NELFA: variants seen among roughly 807,000 people sequenced by gnomAD.
NELFA encodes the protein negative elongation factor A.
A neutral mutation model predicts 51.8 loss-of-function variants in NELFA; 35 were observed. The ratio of observed to expected loss-of-function variants is 0.68; its 90% CI spans 0.52 to 0.90. The LOEUF (loss-of-function observed/expected upper bound fraction) is 0.90, where lower values mean the gene tolerates loss of function less well. Among genes scored for constraint, NELFA ranks in the 40% least tolerant of loss-of-function variants. The pLI is 0.00. For missense variants in NELFA, 658 were observed against 746.4 expected (o/e 0.88, Z 1.38); for synonymous variants, 417 against 338.4 (o/e 1.23, Z -2.55).
rs371172002 is a variant in NELFA at position 1,983,615 on chromosome 4, G to A, written c.1383C>T (p.Gly461=). 3.1e-6 allele frequency: 5 copies of A among 1,614,074 alleles called. No individual in the cohort carries two copies. Among genetic ancestry groups the A allele is most frequent in the South Asian group, 2.2e-5 (2 of 91,086 alleles). Residue 461 remains glycine, a synonymous_variant, in exon 10 of 11, where the codon GGC becomes GGT. Coordinates refer to ENST00000382882, the MANE Select transcript of NELFA (RefSeq NM_005663.5). ...VTRPEKALIL[G]FMAGSRENPC... ...ACATACCTCGGGAGCCGGCCATGAA[G>A]CCCAGGATGAGGGCCTTCTCGGGCC...
chr4:1,986,260 G>C lies in NELFA; in HGVS notation c.765+12C>G, dbSNP rs1257245012. On this transcript the variant is annotated intron_variant, in intron 5 of 10. Coordinates refer to ENST00000382882, the MANE Select transcript of NELFA (RefSeq NM_005663.5). ...GCCCCGGGGTGCCACAGGAGCTGGG[G>C]GACGGGCCTACCTTCACACCTCGTT... 5.7e-6 allele frequency: 9 copies of C among 1,574,188 alleles called. 1 individual carries two copies. In the South Asian group the frequency reaches 9.3e-5, roughly 16 times the overall value.
At position 1,989,134 on chromosome 4, in the gene NELFA, C is replaced by T. The variant is rs191890064; in HGVS notation, c.544+574G>A. 4.7e-3 allele frequency among the ~76,000 whole-genome samples: 708 copies of T among 151,824 alleles called. 2 individuals carry two copies. Among genetic ancestry groups the T allele is most frequent in the South Asian group, 0.019 (90 of 4,800 alleles). ...CTAATTTTTGTATTTTTAGTAGAGACGGGGTTTCACCATGTGGGCCAGGCT... is the reference window on the plus strand; with the variant it reads ...CTAATTTTTGTATTTTTAGTAGAGATGGGGTTTCACCATGTGGGCCAGGCT... On this transcript the variant is annotated intron_variant, in intron 3 of 10. Coordinates refer to ENST00000382882, the MANE Select transcript of NELFA (RefSeq NM_005663.5). The surrounding 1 kb of genome is among the most constrained non-coding windows in gnomAD (Gnocchi z 4.8).
Position 1,985,758 on chromosome 4 carries a change from T to C in NELFA, c.924+18A>G, listed in dbSNP as rs2109054724. 4 of 1,609,526 alleles carry C rather than the reference T, an allele frequency of 2.5e-6. No homozygotes were observed. The highest frequency in any genetic ancestry group is 2.5e-6 in the Non-Finnish European group (3 of 1,177,344). On this transcript the variant is annotated intron_variant, in intron 7 of 10. Transcript: ENST00000382882. ...ACCCGCAGTGGTGCCAGACATGGGG[T>C]GCAGCCCCGAGCCCTACCTGCGTGG...
intron 1 of NELFA, among the ~76,000 whole-genome samples, chr4:1,993,331 C>T (rs949567303): frequency 2.6e-5 from 4 of 152,150 alleles, no homozygotes; most frequent in Non-Finnish European, 4.4e-5. Flanking sequence ...TCTGTAGACC[C>T]CGCACTTCGG....
chr4:1,996,096 C>T lies in NELFA; in HGVS notation c.211-4381G>A, dbSNP rs536138616. 9.2e-5 allele frequency among the ~76,000 whole-genome samples: 14 copies of T among 152,256 alleles called. No individual in the cohort carries two copies. The South Asian group carries it at 1.9e-3, about 20-fold the overall frequency. On this transcript the variant is annotated intron_variant, in intron 1 of 10. Coordinates refer to ENST00000382882, the MANE Select transcript of NELFA (RefSeq NM_005663.5). ...TTTCAAAACTAGAGTACATATGATTCGCAAGCTTACTGGCAACATTTACAA... is the reference window on the plus strand; with the variant it reads ...TTTCAAAACTAGAGTACATATGATTTGCAAGCTTACTGGCAACATTTACAA...
rs761995204 is a variant in NELFA at position 1,983,680 on chromosome 4, C to T, written c.1318G>A (p.Ala440Thr). The part of the protein sequence containing the change: ...NLSLTREQMF[A>T]AQEMFKTANK... ...GCCGTCTTGAACATCTCCTGGGCAG[C>T]GAACATCTGCTCTCTCTACAGCGGG... The change falls in exon 10 of 11, where the codon GCT becomes ACT. Residue 440 changes from alanine to threonine, a missense_variant. This residue lies in a region of NELFA where 87 missense variants were observed against 130.2 expected (regional missense o/e 0.67). Coordinates refer to ENST00000382882, the MANE Select transcript of NELFA (RefSeq NM_005663.5). 6.2e-6 allele frequency: 10 copies of T among 1,613,904 alleles called. No homozygotes were observed. Among genetic ancestry groups the T allele is most frequent in the South Asian group, 2.2e-5 (2 of 91,092 alleles).
intron 7 of NELFA, 69 bp from the exon 8 acceptor site, chr4:1,984,988 G>A (rs1017160238): frequency 8.7e-6 from 10 of 1,150,314 alleles, no homozygotes; most frequent in South Asian, 1.5e-5. Flanking sequence ...CACATGGCCC[G>A]ACCCGGAGCT....
chr4:1,993,262 C>CG (rs752694257), intron 1 of NELFA, among the ~76,000 whole-genome samples: 63 of 152,344 alleles, frequency 4.1e-4, no homozygotes, highest in Admixed American at 2.0e-3. Flanking sequence ...AAGCCTGGCT[C>CG]GCTCTACTGG....
intron 1 of NELFA, among the ~76,000 whole-genome samples, chr4:2,000,430 T>C (rs916599563): frequency 1.3e-5 from 2 of 151,804 alleles, no homozygotes; most frequent in African/African-American, 4.8e-5. Flanking sequence ...AAGAATCAAA[T>C]AGACACCAAA....
rs746555720 is a variant in NELFA, at chr4:1,983,511, G to A, written c.1403-8C>T. The A allele has an allele frequency of 6.2e-7, 1 of 1,613,554 alleles. No individual in the cohort carries two copies. Among genetic ancestry groups the A allele is most frequent in the East Asian group, 2.2e-5 (1 of 44,878 alleles). On this transcript the variant is annotated splice_polypyrimidine_tract_variant and splice_region_variant and intron_variant, in intron 10 of 10. Coordinates refer to ENST00000382882, the MANE Select transcript of NELFA (RefSeq NM_005663.5). ...GCTCCTGGCACGGGTTCTCTGCAGAGAGCAGGAGCTGCTGGGTGGGTGTCT... is the reference window on the plus strand; with the variant it reads ...GCTCCTGGCACGGGTTCTCTGCAGAAAGCAGGAGCTGCTGGGTGGGTGTCT...
intron 1 of NELFA, 61 bp from the exon 2 acceptor site, chr4:1,991,776 G>A (rs1553884307): frequency 2.6e-6 from 4 of 1,509,536 alleles, no homozygotes; most frequent in Non-Finnish European, 3.5e-6. Flanking sequence ...CCCACTCCCT[G>A]CTGAGCTTCC....
rs59557353 is a variant in NELFA, at chr4:1,987,643, G to A, written c.634+275C>T. The A allele has an allele frequency of 1.6e-3, 733 of 446,930 alleles. 3 individuals are homozygous for A. Among genetic ancestry groups the A allele is most frequent in the African/African-American group, 0.014 (625 of 43,336 alleles). 27.7% of individuals were successfully genotyped at this position (446,930 alleles called of 1,614,324 possible). A position where few individuals can be genotyped will look rare whatever the true frequency, so the allele number is the denominator to read the frequency against. On this transcript the variant is annotated intron_variant, in intron 4 of 10. Coordinates refer to ENST00000382882, the MANE Select transcript of NELFA (RefSeq NM_005663.5). The stretch of plus-strand genomic sequence containing the variant: ...CGGCCTTCCTGTCTCCATGCCCAGC[G>A]GTGTCCTCAGATCCCGGCCTTCCTG...
chr4:1,984,741 G>T, intron 8 of NELFA, 67 bp downstream of exon 8: 3 of 1,158,556 alleles, frequency 2.6e-6, no homozygotes, highest in Non-Finnish European at 3.7e-6. Context: ...CCCTGGCAGC[G>T]CCCGTGGGCA....
chr4:1,986,047 C>T (rs938687232), intron 6 of NELFA, 67 bp downstream of exon 6: 2 of 1,519,490 alleles, frequency 1.3e-6, no homozygotes, highest in African/African-American at 1.4e-5. Context: ...GTGGGCACAA[C>T]CCACCCCAAC....
At chr4:1,999,725 CA>C (rs1412465155) in intron 1 of NELFA, among the ~76,000 whole-genome samples, 1 of 152,132 alleles carries the variant, frequency 6.6e-6, no homozygotes, top group Non-Finnish European at 1.5e-5. Context: ...AATATTAGAT[CA>C]ACGAGACAGA....
At chr4:1,986,001 GAGC>G in intron 6 of NELFA, 110 bp downstream of exon 6, 1 of 1,375,056 alleles carries the variant, frequency 7.3e-7, no homozygotes, top group Non-Finnish European at 9.9e-7. Flanking sequence ...CACCCACGGA[GAGC>G]AGCCTCACGG....
In NELFA at chr4:1,983,908, C is replaced by T. The variant is rs760343890; in HGVS notation, c.1242G>A (p.Met414Ile). 1.2e-5 allele frequency: 19 copies of T among 1,604,330 alleles called. No homozygotes were observed. The African/African-American group carries it at 2.4e-4, about 20-fold the overall frequency. The change falls in exon 9 of 11, where the codon ATG becomes ATA. Residue 414 changes from methionine to isoleucine, a missense_variant. Physicochemically the swap from Met to Ile is conservative, Grantham distance 10 (BLOSUM62 1). Around this residue, in one of 3 missense-constraint regions of NELFA, gnomAD observed 200 missense variants for 167.9 expected, o/e 1.19. Transcript: ENST00000382882. ...APTTQTPPVAMVAPQTQAPAQ... is the reference protein window; with the variant it reads ...APTTQTPPVAIVAPQTQAPAQ... Reference sequence around the variant, plus strand: ...CAGGGGCCTGGGTCTGCGGGGCCACCATGGCAACCGGGGGTGTCTGAGTGG... The same window carrying T: ...CAGGGGCCTGGGTCTGCGGGGCCACTATGGCAACCGGGGGTGTCTGAGTGG...
intron 1 of NELFA, among the ~76,000 whole-genome samples, chr4:1,993,243 C>T (rs1443322798): frequency 6.6e-6 from 1 of 152,190 alleles, no homozygotes; most frequent in East Asian, 1.9e-4. Context: ...CTCCAGAACG[C>T]GCATGTTGAA....
chr4:2,001,106 A>C (rs1312623950), intron 1 of NELFA, among the ~76,000 whole-genome samples: 1 of 152,264 alleles, frequency 6.6e-6, no homozygotes, highest in Non-Finnish European at 1.5e-5. Flanking sequence ...CTGCATGTTA[A>C]AAACTCTCAA....
Sources: gnomAD v4.1 joint callset for allele counts (sites outside exome capture counted in the v4.1 genomes callset) on GRCh38, gnomAD v4.1.1 for gene constraint, gnomAD v4.1.1 regional missense constraint, Gnocchi (gnomAD v3.1) non-coding constraint, MANE v1.5 for transcripts, NCBI Gene and HGNC (gene_info 2026-07-23, HGNC 2026-07-21) for gene names.